AGMO: variants seen among roughly 807,000 people sequenced by gnomAD.
The protein encoded by AGMO is alkylglycerol monooxygenase.
AGMO carries 75 observed loss-of-function variants against 60.2 expected under a neutral mutation model. That is an observed-to-expected ratio of 1.25 (90% CI 1.03 to 1.51). The LOEUF is 1.51. Ranked by LOEUF, AGMO falls within the 40% of genes most tolerant of loss-of-function variation. The pLI is 0.00. For synonymous variants in AGMO, 261 were observed against 177.1 expected, an observed-to-expected ratio of 1.47 and a Z score of -3.76; for missense variants, 763 against 525.5, an observed-to-expected ratio of 1.45 and a Z score of -4.42.
At chr7:15,333,149 C>T (rs1367632018) in intron 12 of AGMO, among the ~76,000 whole-genome samples, 1 of 152,158 alleles carries the variant, frequency 6.6e-6, no homozygotes. Context: ...GTATTTATTA[C>T]AGAGCACCAC....
chr7:15,351,366 T>C (rs1213083380), intron 12 of AGMO, among the ~76,000 whole-genome samples: 1 of 152,164 alleles, frequency 6.6e-6, no homozygotes, highest in Non-Finnish European at 1.5e-5. Context: ...TAAAATACCA[T>C]TTTGATTACA....
At chr7:15,270,635 T>TTTTTTTTTTTG (rs1563063233) in intron 12 of AGMO, among the ~76,000 whole-genome samples, 1 of 116,296 alleles carries the variant, frequency 8.6e-6, no homozygotes, top group Non-Finnish European at 1.8e-5. Flanking sequence ...TTTTTTTTTT[T>TTTTTTTTTTTG]TTGCTGTGCA....
chr7:15,306,286 G>A lies in AGMO; in HGVS notation c.1263+59228C>T, dbSNP rs144503350. The A allele has an allele frequency of 3.0e-4, 75 of 253,080 alleles. No individual in the cohort carries two copies. The East Asian group carries it at 5.9e-3, about 20-fold the overall frequency. The allele number at this position is 253,080 out of a possible 1,614,324, so 15.7% of individuals were successfully genotyped here. On this transcript the variant is annotated intron_variant, in intron 12 of 12. Coordinates refer to ENST00000342526, the MANE Select transcript of AGMO (RefSeq NM_001004320.2). Reference sequence around the variant, plus strand: ...TATTTCATACTAATAAATGGAAAGGGTTTTGAATTTCAATGGCTGAAAGGA... The same window carrying A: ...TATTTCATACTAATAAATGGAAAGGATTTTGAATTTCAATGGCTGAAAGGA...
At chr7:15,351,896 CAT>C (rs141502457) in intron 12 of AGMO, among the ~76,000 whole-genome samples, 27,438 of 152,050 alleles carry the variant, frequency 0.18, 2,721 homozygotes, top group Admixed American at 0.23. Flanking sequence ...GATTATGAAT[CAT>C]GTGGAATATT....
intron 12 of AGMO, among the ~76,000 whole-genome samples, chr7:15,245,651 G>A (rs540099384): frequency 1.3e-5 from 2 of 152,272 alleles, no homozygotes; most frequent in South Asian, 2.1e-4. Context: ...AGTGCCTAAA[G>A]TTATGAACAA....
chr7:15,363,042 ATAGGT>A (rs1782825511), intron 12 of AGMO, among the ~76,000 whole-genome samples: 1 of 152,212 alleles, frequency 6.6e-6, no homozygotes, highest in Non-Finnish European at 1.5e-5. Context: ...TAACTACATC[ATAGGT>A]TTGATATGAA....
chr7:15,520,480 G>A (rs1274265155), intron 3 of AGMO, among the ~76,000 whole-genome samples: 1 of 152,092 alleles, frequency 6.6e-6, no homozygotes, highest in Non-Finnish European at 1.5e-5. Flanking sequence ...CAAAAGAATG[G>A]AAATCATAAC....
the AGMO span, among the ~76,000 whole-genome samples, chr7:15,164,655 A>AT: frequency 3.7e-3 from 559 of 152,116 alleles, 3 homozygotes; most frequent in South Asian, 0.011. Context: ...AGAAATGCAA[A>AT]TTTTTTTTCA....
chr7:15,452,894 T>C (rs536528411), intron 3 of AGMO, among the ~76,000 whole-genome samples: 9 of 152,250 alleles, frequency 5.9e-5, no homozygotes, highest in South Asian at 4.1e-4. Context: ...TAGCAAGCCA[T>C]AAAAGGAATG....
At chr7:15,437,744 G>A (rs1020129448) in intron 3 of AGMO, among the ~76,000 whole-genome samples, 1 of 152,036 alleles carries the variant, frequency 6.6e-6, no homozygotes, top group Non-Finnish European at 1.5e-5. Context: ...GTTTCACCGT[G>A]TTAGCCAGGA....
chr7:15,534,368 A>G lies in AGMO; in HGVS notation c.409+10404T>C, dbSNP rs530428122. 2.2e-4 allele frequency among the ~76,000 whole-genome samples: 34 copies of G among 152,174 alleles called. No homozygotes were observed. The East Asian group carries it at 6.2e-3, about 28-fold the overall frequency. ...TTAAAAACTTCAAGTGTTGAAAGAA[A>G]AAGGGAATACGGATAAGTTTGATTT... On this transcript the variant is annotated intron_variant, in intron 3 of 12. Transcript: ENST00000342526.
At chr7:15,164,899 G>GA in the AGMO span, among the ~76,000 whole-genome samples, 27,970 of 151,664 alleles carry the variant, frequency 0.18, 2,744 homozygotes, top group African/African-American at 0.25. Context: ...TCTATCCACA[G>GA]AAAAAAAATT....
At chr7:15,119,628 T>C in the AGMO span, among the ~76,000 whole-genome samples, 1 of 152,158 alleles carries the variant, frequency 6.6e-6, no homozygotes, top group Admixed American at 6.5e-5. Context: ...CAGCTGAGTG[T>C]GGCTGGAGAA....
chr7:15,395,316 G>T (rs937302462), intron 5 of AGMO, among the ~76,000 whole-genome samples: 3 of 151,990 alleles, frequency 2.0e-5, no homozygotes, highest in South Asian at 4.2e-4. Flanking sequence ...TCAGTGTCAC[G>T]GGAAGAAATA....
intron 12 of AGMO, among the ~76,000 whole-genome samples, chr7:15,330,351 G>A (rs1223038673): frequency 6.6e-6 from 1 of 152,152 alleles, no homozygotes; most frequent in African/African-American, 2.4e-5. Flanking sequence ...CTTGGTTTCA[G>A]AAATGGGCTT....
intron 3 of AGMO, among the ~76,000 whole-genome samples, chr7:15,458,126 A>G (rs1782045357): frequency 6.6e-6 from 1 of 152,140 alleles, no homozygotes; most frequent in Non-Finnish European, 1.5e-5. Flanking sequence ...TAAGAGCACC[A>G]TCTCTCCTTC....
the AGMO span, among the ~76,000 whole-genome samples, chr7:15,136,086 T>G: frequency 1.3e-5 from 2 of 150,872 alleles, no homozygotes; most frequent in Non-Finnish European, 3.0e-5. Flanking sequence ...CTCTGCCTCC[T>G]GGGTTCAAGC....
At chr7:15,133,249 G>T in the AGMO span, among the ~76,000 whole-genome samples, 1 of 152,186 alleles carries the variant, frequency 6.6e-6, no homozygotes, top group African/African-American at 2.4e-5. Context: ...TTTAGGAATT[G>T]CAGGCATAAC....
intron 12 of AGMO, among the ~76,000 whole-genome samples, chr7:15,280,939 G>C (rs1783947607): frequency 6.6e-6 from 1 of 152,164 alleles, no homozygotes; most frequent in Non-Finnish European, 1.5e-5. Context: ...CGTGAGGATA[G>C]GTCACATCAC....
Sources: allele counts gnomAD v4.1 joint callset (sites outside exome capture counted in the v4.1 genomes callset), GRCh38; gene constraint gnomAD v4.1.1; transcripts MANE v1.5; gene names NCBI Gene and HGNC (gene_info 2026-07-23, HGNC 2026-07-21).